The following PXDNL variants were observed in gnomAD, a reference collection of about 807,000 sequenced individuals.
PXDNL encodes probable oxidoreductase PXDNL.
Under a neutral mutation model 150.8 loss-of-function variants are expected in PXDNL, and 145 were observed. The ratio of observed to expected loss-of-function variants is 0.96; its 90% CI spans 0.84 to 1.10. The LOEUF (loss-of-function observed/expected upper bound fraction) is 1.10, where lower values mean the gene tolerates loss of function less well. Ranked by LOEUF, PXDNL falls within the 50% of genes least tolerant of loss-of-function variation. The pLI, the probability that PXDNL is intolerant of heterozygous loss-of-function variation, is 0.00. For missense variants in PXDNL, 2,087 were observed against 1,873.9 expected, an observed-to-expected ratio of 1.11 and a Z score of -2.10; for synonymous variants, 757 against 725.7, an observed-to-expected ratio of 1.04 and a Z score of -0.69.
At chr8:51,514,970 A>T (rs767054481) in intron 4 of PXDNL, among the ~76,000 whole-genome samples, 34 of 152,360 alleles carry the variant, frequency 2.2e-4, no homozygotes, top group Admixed American at 9.1e-4. Context: ...CTGAAGCATC[A>T]TGACATTGTC....
intron 17 of PXDNL, among the ~76,000 whole-genome samples, chr8:51,404,097 C>G (rs1264603459): frequency 6.6e-6 from 1 of 152,188 alleles, no homozygotes; most frequent in Non-Finnish European, 1.5e-5. Flanking sequence ...GGTTCATGGT[C>G]TCGCTGGCCT....
At chr8:51,617,285 C>T (rs1051421985) in intron 2 of PXDNL, among the ~76,000 whole-genome samples, 1 of 152,166 alleles carries the variant, frequency 6.6e-6, no homozygotes, top group Non-Finnish European at 1.5e-5. Context: ...TAAAAGACAG[C>T]ATTTGTTACT....
chr8:51,623,637 C>T (rs1391181320), intron 2 of PXDNL, among the ~76,000 whole-genome samples: 7 of 152,216 alleles, frequency 4.6e-5, no homozygotes, highest in Admixed American at 2.0e-4. Context: ...CCCGTGGGCA[C>T]GCCTCTGGCT....
chr8:51,773,426 G>A (rs1180696637), intron 1 of PXDNL, among the ~76,000 whole-genome samples: 1 of 152,140 alleles, frequency 6.6e-6, no homozygotes. Context: ...GAGAAGAAGG[G>A]GCTGTAAGAC....
At chr8:51,425,711 C>T (rs1045559647) in intron 13 of PXDNL, among the ~76,000 whole-genome samples, 15 of 151,940 alleles carry the variant, frequency 9.9e-5, no homozygotes, top group African/African-American at 3.4e-4. Context: ...GTCCCAGCTA[C>T]TCGGAGAGGC....
intron 19 of PXDNL, among the ~76,000 whole-genome samples, chr8:51,369,399 A>G (rs1162720815): frequency 1.3e-5 from 2 of 152,228 alleles, no homozygotes; most frequent in African/African-American, 2.4e-5. Context: ...TAAGAAGCCC[A>G]TCCCATAAGA....
At chr8:51,597,348 G>A (rs566716813) in intron 2 of PXDNL, among the ~76,000 whole-genome samples, 1 of 152,222 alleles carries the variant, frequency 6.6e-6, no homozygotes, top group South Asian at 2.1e-4. Context: ...GATGCCTCTG[G>A]CTTTGTTCTT....
chr8:51,755,426 C>T (rs901537416), intron 1 of PXDNL, among the ~76,000 whole-genome samples: 1 of 151,902 alleles, frequency 6.6e-6, no homozygotes, highest in African/African-American at 2.4e-5. Flanking sequence ...TCCTGAGTAG[C>T]TGGGATTACA....
chr8:51,359,650 A>G (rs1348418219), intron 19 of PXDNL, among the ~76,000 whole-genome samples: 1 of 152,212 alleles, frequency 6.6e-6, no homozygotes, highest in Non-Finnish European at 1.5e-5. Flanking sequence ...AAATATGCAA[A>G]TCTATGAATT....
chr8:51,382,951 A>C (rs1807594811), intron 17 of PXDNL, among the ~76,000 whole-genome samples: 1 of 152,180 alleles, frequency 6.6e-6, no homozygotes, highest in Non-Finnish European at 1.5e-5. Context: ...AATTCAGCTA[A>C]ACATTAACTA....
chr8:51,783,720 G>A lies in PXDNL; in HGVS notation c.164+25461C>T, dbSNP rs560020891. ...GGGGAAAGGTGATCTCTAAGCAACAGGGAGAAATTCCATGTGTAACAGGAA... is the reference window on the plus strand; with the variant it reads ...GGGGAAAGGTGATCTCTAAGCAACAAGGAGAAATTCCATGTGTAACAGGAA... On this transcript the variant is annotated intron_variant, in intron 1 of 22. Transcript: ENST00000356297. 1.2e-4 allele frequency among the ~76,000 whole-genome samples: 19 copies of A among 152,282 alleles called. No homozygotes were observed. In the East Asian group the frequency reaches 3.1e-3, roughly 25 times the overall value.
At chr8:51,466,253 C>T (rs531596678) in intron 8 of PXDNL, among the ~76,000 whole-genome samples, 2 of 152,214 alleles carry the variant, frequency 1.3e-5, no homozygotes, top group African/African-American at 2.4e-5. Context: ...TGCACCTCTA[C>T]ATCCATCTGA....
chr8:51,375,552 C>G (rs143585439), intron 17 of PXDNL, among the ~76,000 whole-genome samples: 299 of 152,322 alleles, frequency 2.0e-3, no homozygotes, highest in Non-Finnish European at 3.6e-3. Context: ...ATTCATACTT[C>G]CTTTTTCTCA....
At chr8:51,733,184 A>G (rs571225586) in intron 1 of PXDNL, among the ~76,000 whole-genome samples, 2 of 152,352 alleles carry the variant, frequency 1.3e-5, no homozygotes, top group South Asian at 2.1e-4. Flanking sequence ...TAAATCTAAG[A>G]GGAAAAGGAA....
intron 1 of PXDNL, among the ~76,000 whole-genome samples, chr8:51,771,939 A>G (rs1038114641): frequency 1.4e-5 from 2 of 147,886 alleles, no homozygotes. Context: ...CTCTGACACA[A>G]CACGATTCCC....
Position 51,719,083 on chromosome 8 carries a change from C to G in PXDNL, c.165-64323G>C, listed in dbSNP as rs564169379. Among the ~76,000 whole-genome samples the G allele has an allele frequency of 2.0e-4, 31 of 151,992 alleles. No individual in the cohort carries two copies. In the East Asian group the frequency reaches 6.1e-3, roughly 30 times the overall value. ...GCCACCCCGTCTGGGAGGTGAGGGGCGCCTCTGCCCGGCCGCCCCTTCTAG... is the reference window on the plus strand; with the variant it reads ...GCCACCCCGTCTGGGAGGTGAGGGGGGCCTCTGCCCGGCCGCCCCTTCTAG... On this transcript the variant is annotated intron_variant, in intron 1 of 22. Transcript: ENST00000356297.
intron 2 of PXDNL, among the ~76,000 whole-genome samples, chr8:51,633,096 A>G (rs776194295): frequency 1.3e-5 from 2 of 152,092 alleles, no homozygotes; most frequent in Non-Finnish European, 2.9e-5. Context: ...TCCCATATTT[A>G]TGTCCATATG....
chr8:51,371,477 T>A (rs945991361), intron 19 of PXDNL, among the ~76,000 whole-genome samples: 4 of 152,224 alleles, frequency 2.6e-5, no homozygotes, highest in African/African-American at 7.2e-5. Context: ...CAACATCTTA[T>A]GAAGAATGGA....
At chr8:51,331,491 T>G (rs1805687339) in intron 21 of PXDNL, among the ~76,000 whole-genome samples, 1 of 152,114 alleles carries the variant, frequency 6.6e-6, no homozygotes, top group South Asian at 2.1e-4. Flanking sequence ...GCCAGAACTC[T>G]GGGGAGGGCG....
Sources: gnomAD v4.1 joint callset for allele counts (sites outside exome capture counted in the v4.1 genomes callset) on GRCh38, gnomAD v4.1.1 for gene constraint, MANE v1.5 for transcripts, NCBI Gene and HGNC (gene_info 2026-07-23, HGNC 2026-07-21) for gene names.